Variants in TLE4 observed in about 807,000 individuals in gnomAD.
TLE4 encodes the protein transducin-like enhancer protein 4.
TLE4 carries 8 observed loss-of-function variants against 92.8 expected under a neutral mutation model. The ratio of observed to expected loss-of-function variants is 0.09; its 90% CI spans 0.05 to 0.16. TLE4 has a LOEUF of 0.16. Ranked by LOEUF, TLE4 falls within the 10% of genes least tolerant of loss-of-function variation. TLE4 has a pLI of 1.00. For missense variants in TLE4, 675 were observed against 997.6 expected (o/e 0.68, Z 4.36); for synonymous variants, 371 against 374.1 (o/e 0.99, Z 0.10).
chr9:79,707,678 A>G (rs954801855), intron 11 of TLE4, among the ~76,000 whole-genome samples: 8 of 152,058 alleles, frequency 5.3e-5, no homozygotes, highest in Admixed American at 3.9e-4. Flanking sequence ...TTTTAATGGC[A>G]CCTGCTCTCT....
chr9:79,662,042 A>G (rs2060601678), intron 8 of TLE4, among the ~76,000 whole-genome samples: 1 of 152,094 alleles, frequency 6.6e-6, no homozygotes, highest in Admixed American at 6.5e-5. Flanking sequence ...ACTGTTTAAT[A>G]TTCCATCCCC....
intron 11 of TLE4, among the ~76,000 whole-genome samples, chr9:79,707,461 T>G (rs1030460519): frequency 6.6e-6 from 1 of 152,200 alleles, no homozygotes; most frequent in Non-Finnish European, 1.5e-5. Flanking sequence ...GTGGTGTGTC[T>G]TTTTTCCTCA....
rs2036134618 is a variant in TLE4 at position 79,572,714 on chromosome 9, G to A, written c.-77G>A. 3.3e-6 allele frequency: 5 copies of A among 1,506,746 alleles called. No homozygotes were observed. The South Asian group carries it at 3.5e-5, about 11-fold the overall frequency. The allele number at this position is 1,506,746 out of a possible 1,614,324, so 93.3% of individuals were successfully genotyped here. A position where few individuals can be genotyped will look rare whatever the true frequency, so the allele number is the denominator to read the frequency against. On this transcript the variant is annotated 5_prime_UTR_variant, in exon 1 of 20. Transcript: ENST00000376552. Reference sequence around the variant, plus strand: ...CCGAGCCGGCCGCCTCCGCTGCCGCGGCCGCCTCCTCTTCGGGGTCATTAA... The same window carrying A: ...CCGAGCCGGCCGCCTCCGCTGCCGCAGCCGCCTCCTCTTCGGGGTCATTAA...
chr9:79,677,313 C>G lies in TLE4; in HGVS notation c.609+23238C>G, dbSNP rs11138319. ...TGTAGTGCCTAGTATTAATTTAGTT[C>G]GTGGCCTCTGTATGATTTTCTGTCC... is the stretch of plus-strand genomic sequence containing the variant. On this transcript the variant is annotated intron_variant, in intron 8 of 19. Coordinates refer to ENST00000376552, the MANE Select transcript of TLE4 (RefSeq NM_007005.6). Among the ~76,000 whole-genome samples the G allele has an allele frequency of 1.9e-3, 293 of 152,058 alleles. 1 individual carries two copies. The highest frequency in any genetic ancestry group is 6.8e-3 in the African/African-American group (283 of 41,484).
At chr9:79,667,260 G>T (rs1403137415) in intron 8 of TLE4, among the ~76,000 whole-genome samples, 1 of 152,152 alleles carries the variant, frequency 6.6e-6, no homozygotes. Context: ...GACAAAGGCT[G>T]TGTGTGGGCA....
chr9:79,719,442 A>G (rs1269306127), intron 15 of TLE4, among the ~76,000 whole-genome samples: 2 of 152,138 alleles, frequency 1.3e-5, no homozygotes, highest in East Asian at 3.8e-4. Flanking sequence ...CATCAGTTGA[A>G]CATAATTAAA....
At chr9:79,714,553 A>T (rs919259686) in intron 14 of TLE4, among the ~76,000 whole-genome samples, 2 of 152,170 alleles carry the variant, frequency 1.3e-5, no homozygotes, top group Non-Finnish European at 2.9e-5. Context: ...ACTCGATGGT[A>T]TCTTTTCATT....
chr9:79,695,614 G>A (rs2068065056), intron 8 of TLE4, among the ~76,000 whole-genome samples: 1 of 152,158 alleles, frequency 6.6e-6, no homozygotes, highest in African/African-American at 2.4e-5. Context: ...CGTGGTCCTT[G>A]CCTTCATGGA....
chr9:79,657,692 T>A (rs2059963580), intron 8 of TLE4, among the ~76,000 whole-genome samples: 2 of 152,142 alleles, frequency 1.3e-5, no homozygotes, highest in African/African-American at 4.8e-5. Context: ...GCCTGAAACT[T>A]GGTAAGAATC....
intron 8 of TLE4, among the ~76,000 whole-genome samples, chr9:79,657,081 G>T (rs2059884422): frequency 6.6e-6 from 1 of 152,160 alleles, no homozygotes; most frequent in South Asian, 2.1e-4. Context: ...CACTGTAGGA[G>T]CCCAAGAATC....
chr9:79,633,229 C>T (rs192649847), intron 6 of TLE4, among the ~76,000 whole-genome samples: 4 of 152,224 alleles, frequency 2.6e-5, no homozygotes, highest in East Asian at 1.9e-4. Flanking sequence ...ACTTCAGAGA[C>T]GCCCAAAAAC....
chr9:79,630,234 A>G (rs1202187866), intron 6 of TLE4, among the ~76,000 whole-genome samples: 1 of 152,214 alleles, frequency 6.6e-6, no homozygotes, highest in Non-Finnish European at 1.5e-5. Context: ...TAAATGAGCC[A>G]AACGAGTGAT....
At chr9:79,606,331 CTTT>C (rs35416123) in intron 4 of TLE4, among the ~76,000 whole-genome samples, 1 of 96,060 alleles carries the variant, frequency 1.0e-5, no homozygotes. Context: ...TCCAGTCAGG[CTTT>C]TTTTTTTTTT....
chr9:79,724,862 A>AAAAAAAAAAC (rs1281891590), intron 19 of TLE4, among the ~76,000 whole-genome samples, 175 bp from the exon 20 acceptor site: 1 of 127,672 alleles, frequency 7.8e-6, no homozygotes, highest in East Asian at 2.0e-4. Context: ...AAAAAAAAAA[A>AAAAAAAAAAC]AAAAAAAAAA....
At chr9:79,700,770 G>T (rs76711693) in intron 8 of TLE4, among the ~76,000 whole-genome samples, 3,768 of 151,934 alleles carry the variant, frequency 0.025, 153 homozygotes, top group African/African-American at 0.085. Flanking sequence ...TCACATTCAG[G>T]GTATTTTGCT....
At chr9:79,721,603 A>G in intron 16 of TLE4, 138 bp from the exon 17 acceptor site, 1 of 1,325,536 alleles carries the variant, frequency 7.5e-7, no homozygotes, top group South Asian at 1.4e-5. Context: ...ATTACTTTGA[A>G]TAATTAGAAA....
chr9:79,619,714 C>G (rs1235371907), intron 5 of TLE4, among the ~76,000 whole-genome samples: 1 of 152,142 alleles, frequency 6.6e-6, no homozygotes, highest in Non-Finnish European at 1.5e-5. Context: ...TTTTGTCAGT[C>G]TTGGTAATAT....
At chr9:79,627,339 A>AATAATTGTAT in intron 5 of TLE4, 35 bp from the exon 6 acceptor site, 1 of 1,609,688 alleles carries the variant, frequency 6.2e-7, no homozygotes, top group South Asian at 1.1e-5. Flanking sequence ...GTAGAAAACA[A>AATAATTGTAT]ATAATTGTAT....
At chr9:79,681,596 C>G (rs1564874460) in intron 8 of TLE4, among the ~76,000 whole-genome samples, 2 of 152,100 alleles carry the variant, frequency 1.3e-5, no homozygotes, top group African/African-American at 4.8e-5. Flanking sequence ...TAAGGACATT[C>G]TAGACATTCT....
Sources: allele counts gnomAD v4.1 joint callset (sites outside exome capture counted in the v4.1 genomes callset), GRCh38; gene constraint gnomAD v4.1.1; transcripts MANE v1.5; gene names NCBI Gene and HGNC (gene_info 2026-07-23, HGNC 2026-07-21).